SNX16: variants seen among roughly 807,000 people sequenced by gnomAD.
The protein encoded by SNX16 is sorting nexin-16.
Under a neutral mutation model 36.7 loss-of-function variants are expected in SNX16, and 35 were observed. The observed-to-expected ratio is 0.95, with a 90% confidence interval of 0.73 to 1.27. The LOEUF is 1.27. Among genes scored for constraint, SNX16 ranks in the 50% most tolerant of loss-of-function variants. SNX16 has a pLI of 0.00. For missense variants in SNX16, 367 were observed against 393.6 expected (o/e 0.93, Z 0.57); for synonymous variants, 134 against 132.0 (o/e 1.02, Z -0.10).
chr8:81,837,392 C>A (rs1165151874), intron 2 of SNX16, among the ~76,000 whole-genome samples: 1 of 152,178 alleles, frequency 6.6e-6, no homozygotes, highest in African/African-American at 2.4e-5. Flanking sequence ...CATCTTCACA[C>A]ATATCATCTG....
At chr8:81,838,865 GA>G (rs1017574020) in intron 2 of SNX16, among the ~76,000 whole-genome samples, 7 of 150,378 alleles carry the variant, frequency 4.7e-5, no homozygotes, top group Non-Finnish European at 8.9e-5. Context: ...ACATGTATCT[GA>G]AAAAAAAATT....
intron 5 of SNX16, among the ~76,000 whole-genome samples, chr8:81,812,494 G>C (rs1163315628): frequency 6.6e-6 from 1 of 151,774 alleles, no homozygotes; most frequent in Non-Finnish European, 1.5e-5. Flanking sequence ...GAAATAATAG[G>C]GGCCAGAAGG....
intron 4 of SNX16, among the ~76,000 whole-genome samples, chr8:81,820,476 A>G (rs75446517): frequency 0.021 from 3,163 of 152,222 alleles, 108 homozygotes; most frequent in African/African-American, 0.072. Flanking sequence ...TCATAGAAGG[A>G]ACAGTACTGA....
chr8:81,838,843 GAT>G (rs2130775238), intron 2 of SNX16, among the ~76,000 whole-genome samples: 2 of 151,826 alleles, frequency 1.3e-5, no homozygotes, highest in South Asian at 4.2e-4. Context: ...AGAGTGAGAG[GAT>G]AGTCATAATA....
chr8:81,832,603 C>A (rs1811319295), intron 2 of SNX16, among the ~76,000 whole-genome samples: 1 of 151,468 alleles, frequency 6.6e-6, no homozygotes, highest in South Asian at 2.1e-4. Flanking sequence ...ACCAAAAAAC[C>A]CCAACTGAAT....
intron 5 of SNX16, among the ~76,000 whole-genome samples, chr8:81,807,380 G>A (rs1352548271): frequency 6.6e-6 from 1 of 151,566 alleles, no homozygotes; most frequent in Non-Finnish European, 1.5e-5. Flanking sequence ...TTAGCTGGAT[G>A]TGGTGGTGCG....
chr8:81,801,235 A>C lies in SNX16; in HGVS notation c.*262T>G. 1 of 296,514 alleles carries C rather than the reference A, an allele frequency of 3.4e-6. No individual in the cohort carries two copies. The highest frequency in any genetic ancestry group is 4.9e-5 in the Admixed American group (1 of 20,368). 18.4% of individuals were successfully genotyped at this position (296,514 alleles called of 1,614,324 possible). ...CCATAATAATTTATGCACAGTATTT[A>C]AGAATGTGGGCCTTGATAACAGAAT... On this transcript the variant is annotated 3_prime_UTR_variant, in exon 8 of 8. Transcript: ENST00000345957.
At chr8:81,826,825 T>C (rs1030895735) in intron 3 of SNX16, among the ~76,000 whole-genome samples, 4 of 152,230 alleles carry the variant, frequency 2.6e-5, no homozygotes, top group Non-Finnish European at 5.9e-5. Flanking sequence ...ACTATATAAC[T>C]GGGAAATGTA....
chr8:81,829,488 G>A lies in SNX16; in HGVS notation c.404C>T (p.Pro135Leu), dbSNP rs774095403. 1 of 1,427,060 alleles carries A rather than the reference G, an allele frequency of 7.0e-7. No homozygotes were observed. Among genetic ancestry groups the A allele is most frequent in the South Asian group, 1.7e-5 (1 of 59,814 alleles). 88.4% of individuals were successfully genotyped at this position (1,427,060 alleles called of 1,614,324 possible). A position where few individuals can be genotyped will look rare whatever the true frequency, so the allele number is the denominator to read the frequency against. ...TCTGAAAACTACCCAGCTTTCTTCT[G>A]GGGTTTTCTTTACTAGTATTTTATA... ...TVYKILVKKT[P>L]EESWVVFRRY... Residue 135 changes from proline to leucine, a missense_variant, in exon 3 of 8, where the codon CCA (proline) becomes CTA (leucine). Physicochemically the swap from Pro to Leu is moderately conservative, Grantham distance 98. Transcript: ENST00000345957.
At chr8:81,826,158 A>G (rs1811012197) in intron 3 of SNX16, among the ~76,000 whole-genome samples, 1 of 152,166 alleles carries the variant, frequency 6.6e-6, no homozygotes, top group Non-Finnish European at 1.5e-5. Flanking sequence ...ATTGCCAGAA[A>G]GACAGTGAAA....
intron 4 of SNX16, among the ~76,000 whole-genome samples, chr8:81,817,922 G>A (rs1463215882): frequency 6.6e-6 from 1 of 152,044 alleles, no homozygotes; most frequent in Non-Finnish European, 1.5e-5. Context: ...TTTTTACTGT[G>A]TTTGGGAAAC....
intron 3 of SNX16, among the ~76,000 whole-genome samples, chr8:81,826,867 G>A (rs1811043266): frequency 6.6e-6 from 1 of 152,068 alleles, no homozygotes; most frequent in Non-Finnish European, 1.5e-5. Context: ...CATCTATATA[G>A]TTTCTACATA....
rs1809636136 is a variant in SNX16 at position 81,800,468 on chromosome 8, T to C, written c.*1029A>G. 6.6e-6 allele frequency: 1 copy of C among 152,214 alleles called. No homozygotes were observed. The highest frequency in any genetic ancestry group is 2.1e-4 in the South Asian group (1 of 4,832). The allele number at this position is 152,214 out of a possible 1,614,324, so 9.4% of individuals were successfully genotyped here. On this transcript the variant is annotated 3_prime_UTR_variant, in exon 8 of 8. Transcript: ENST00000345957. ...ACTACATAATTCTTTCTCCTAACTC[T>C]ACTTACTAAAAAAATCCACCAATTA... is the stretch of plus-strand genomic sequence containing the variant.
At chr8:81,810,051 A>C (rs1339831603) in intron 5 of SNX16, among the ~76,000 whole-genome samples, 1 of 152,192 alleles carries the variant, frequency 6.6e-6, no homozygotes, top group Non-Finnish European at 1.5e-5. Context: ...TACATATTAC[A>C]ATTTAGGTAG....
chr8:81,833,481 G>T (rs532935380), intron 2 of SNX16, among the ~76,000 whole-genome samples: 1 of 152,178 alleles, frequency 6.6e-6, no homozygotes, highest in East Asian at 1.9e-4. Context: ...TCAGCAGAAG[G>T]TCCTGATCTA....
At chr8:81,822,979 CAT>C (rs1563445608) in intron 4 of SNX16, among the ~76,000 whole-genome samples, 11 of 98,036 alleles carry the variant, frequency 1.1e-4, no homozygotes, top group South Asian at 3.4e-4. Context: ...TATATATACA[CAT>C]ATGTGTGTGT....
chr8:81,841,925 T>G (rs1811808124), intron 1 of SNX16, 197 bp downstream of exon 1: 1 of 152,202 alleles, frequency 6.6e-6, no homozygotes, highest in South Asian at 2.1e-4. Flanking sequence ...CCGCCTCCGC[T>G]GACCGGTGCG....
At chr8:81,808,840 G>C in intron 5 of SNX16, 1 of 695,298 alleles carries the variant, frequency 1.4e-6, no homozygotes, top group Non-Finnish European at 2.6e-6. Flanking sequence ...GCAGGGCCTA[G>C]CTGCTACAAA....
Position 81,839,611 on chromosome 8 carries a change from C to G in SNX16, c.375+1G>C, listed in dbSNP as rs760256300. On this transcript the variant is annotated splice_donor_variant, in intron 2 of 7. Transcript: ENST00000345957. LOFTEE classifies it high-confidence loss of function. ...GTTATACAGCAGAAGTCAATACTTA[C>G]AGTAAATTTAGCTCTTTCTTCCATC... 2.5e-6 allele frequency: 4 copies of G among 1,606,156 alleles called. No individual in the cohort carries two copies. In the African/African-American group the frequency reaches 4.0e-5, roughly 16 times the overall value.
Sources: gnomAD v4.1 joint callset for allele counts (sites outside exome capture counted in the v4.1 genomes callset) on GRCh38, gnomAD v4.1.1 for gene constraint, MANE v1.5 for transcripts, NCBI Gene and HGNC (gene_info 2026-07-23, HGNC 2026-07-21) for gene names.